The following PAPPA2 variants were observed in gnomAD, a reference collection of about 807,000 sequenced individuals.
The protein encoded by PAPPA2 is pappalysin-2.
A neutral mutation model predicts 176.4 loss-of-function variants in PAPPA2; 86 were observed. The ratio of observed to expected loss-of-function variants is 0.49; its 90% CI spans 0.41 to 0.58. PAPPA2 has a LOEUF of 0.58. Ranked by LOEUF, PAPPA2 falls within the 20% of genes least tolerant of loss-of-function variation. The pLI is 0.00. For missense variants in PAPPA2, 2,073 were observed against 2,256.9 expected (o/e 0.92, Z 1.65); for synonymous variants, 809 against 852.2 (o/e 0.95, Z 0.88).
chr1:176,522,918 T>C (rs1250429805), intron 1 of PAPPA2, among the ~76,000 whole-genome samples: 4 of 152,104 alleles, frequency 2.6e-5, no homozygotes, highest in African/African-American at 9.7e-5. Flanking sequence ...ACGAGGGGCA[T>C]GGGTGGGCAT....
chr1:176,793,781 A>T, intron 20 of PAPPA2, 112 bp downstream of exon 20: 1 of 702,298 alleles, frequency 1.4e-6, no homozygotes. Flanking sequence ...CAAAGCAAAC[A>T]ACCACATGGA....
chr1:176,516,558 T>C (rs1338491679), intron 1 of PAPPA2, among the ~76,000 whole-genome samples: 1 of 152,166 alleles, frequency 6.6e-6, no homozygotes, highest in African/African-American at 2.4e-5. Flanking sequence ...TCTGCCCTTA[T>C]GAATGATATC....
rs75560994 is a variant in PAPPA2 at position 176,795,349 on chromosome 1, G to T, written c.5130+1680G>T. Among the ~76,000 whole-genome samples the T allele has an allele frequency of 1.2e-3, 183 of 152,246 alleles. 2 individuals are homozygous for T. The East Asian group carries it at 0.015, about 12-fold the overall frequency. ...TTCATCTTTTACTCAGGAGGAGGTG[G>T]CTGCAGGAAATCAAAGGGCCCACAG... On this transcript the variant is annotated intron_variant, in intron 20 of 22. Transcript: ENST00000367662.
intron 17 of PAPPA2, among the ~76,000 whole-genome samples, chr1:176,777,655 G>A (rs1271959042): frequency 6.6e-6 from 1 of 152,034 alleles, no homozygotes; most frequent in African/African-American, 2.4e-5. Flanking sequence ...TTGACCTTGA[G>A]CAAGTTACTG....
At chr1:176,753,186 A>G (rs1415618679) in intron 14 of PAPPA2, among the ~76,000 whole-genome samples, 1 of 152,208 alleles carries the variant, frequency 6.6e-6, no homozygotes, top group Non-Finnish European at 1.5e-5. Flanking sequence ...ATTGAGCTGG[A>G]GCCAGCTTAC....
At chr1:176,620,694 T>C (rs1655543178) in intron 3 of PAPPA2, among the ~76,000 whole-genome samples, 1 of 152,182 alleles carries the variant, frequency 6.6e-6, no homozygotes, top group African/African-American at 2.4e-5. Context: ...AACCCCTATG[T>C]TAATCTGTCT....
chr1:176,604,664 AC>A (rs1248533396), intron 3 of PAPPA2, among the ~76,000 whole-genome samples: 26 of 152,294 alleles, frequency 1.7e-4, no homozygotes, highest in African/African-American at 5.8e-4. Context: ...AAAACTGCCA[AC>A]CCCTGCTTAA....
intron 21 of PAPPA2, among the ~76,000 whole-genome samples, chr1:176,801,490 G>A (rs928265811): frequency 5.3e-5 from 8 of 152,162 alleles, no homozygotes; most frequent in South Asian, 4.1e-4. Context: ...AGCACTCTGC[G>A]AGCGCATCAG....
chr1:176,788,437 G>C (rs996771269), intron 17 of PAPPA2, among the ~76,000 whole-genome samples: 5 of 152,230 alleles, frequency 3.3e-5, no homozygotes, highest in African/African-American at 1.2e-4. Flanking sequence ...CTTAAAAGGG[G>C]TGTAATGAGA....
At chr1:176,559,719 G>A (rs546734824) in intron 2 of PAPPA2, among the ~76,000 whole-genome samples, 58 of 152,276 alleles carry the variant, frequency 3.8e-4, no homozygotes, top group African/African-American at 1.3e-3. Flanking sequence ...ATAGAATCAT[G>A]TCCCTGGGAG....
At chr1:176,735,293 T>C (rs1040299126) in intron 12 of PAPPA2, among the ~76,000 whole-genome samples, 1 of 152,228 alleles carries the variant, frequency 6.6e-6, no homozygotes, top group Middle Eastern at 3.4e-3. Flanking sequence ...GGTCTTCTGT[T>C]TCCCTGTGGA....
rs59059454 is a variant in PAPPA2 at position 176,664,155 on chromosome 1, T to C, written c.1992-6815T>C. Among the ~76,000 whole-genome samples, 1,003 of 152,314 alleles carry C rather than the reference T, an allele frequency of 6.6e-3. 14 individuals are homozygous for C. Among genetic ancestry groups the C allele is most frequent in the African/African-American group, 0.021 (856 of 41,568 alleles). ...AAGTGAAAAGAGATGTATTAGTTTT[T>C]GATTCTTGCTGTAATAAGTTATTGC... On this transcript the variant is annotated intron_variant, in intron 3 of 22. Transcript: ENST00000367662.
intron 3 of PAPPA2, among the ~76,000 whole-genome samples, chr1:176,660,520 A>G (rs1370346598): frequency 1.3e-5 from 2 of 152,120 alleles, no homozygotes; most frequent in African/African-American, 4.8e-5. Context: ...AAATTACTGA[A>G]TGAAATAGGG....
intron 12 of PAPPA2, among the ~76,000 whole-genome samples, chr1:176,728,160 AT>A (rs34883022): frequency 0.082 from 12,457 of 151,964 alleles, 583 homozygotes; most frequent in Middle Eastern, 0.12. Flanking sequence ...AATTAGTAAA[AT>A]AGAAAAACTT....
chr1:176,761,464 A>G (rs1024654800), intron 14 of PAPPA2, among the ~76,000 whole-genome samples: 1 of 152,222 alleles, frequency 6.6e-6, no homozygotes, highest in Admixed American at 6.5e-5. Context: ...GAGGATGCAC[A>G]CTGGGCAGGA....
chr1:176,674,200 G>C (rs559986045), intron 4 of PAPPA2, among the ~76,000 whole-genome samples: 1 of 152,174 alleles, frequency 6.6e-6, no homozygotes, highest in Admixed American at 6.5e-5. Context: ...GACACCCTCT[G>C]TGCAAGGGTA....
intron 2 of PAPPA2, among the ~76,000 whole-genome samples, chr1:176,569,855 T>C (rs1652214040): frequency 6.6e-6 from 1 of 152,244 alleles, no homozygotes; most frequent in Admixed American, 6.5e-5. Flanking sequence ...ATGTTGAAGA[T>C]GACTAGGAAG....
At chr1:176,677,016 AT>A (rs1306104204) in intron 4 of PAPPA2, among the ~76,000 whole-genome samples, 1 of 152,140 alleles carries the variant, frequency 6.6e-6, no homozygotes, top group Non-Finnish European at 1.5e-5. Context: ...CTACAACATG[AT>A]TATTAATGTG....
intron 14 of PAPPA2, among the ~76,000 whole-genome samples, chr1:176,763,242 G>T (rs191532879): frequency 3.2e-4 from 49 of 152,080 alleles, no homozygotes; most frequent in Middle Eastern, 3.4e-3. Flanking sequence ...CATATCTTTG[G>T]GCTAATAATT....
Sources: allele counts gnomAD v4.1 joint callset (sites outside exome capture counted in the v4.1 genomes callset), GRCh38; gene constraint gnomAD v4.1.1; transcripts MANE v1.5; gene names NCBI Gene and HGNC (gene_info 2026-07-23, HGNC 2026-07-21).